Variants in TTC7B observed in about 807,000 individuals in gnomAD.
TTC7B encodes tetratricopeptide repeat domain 7B, also known as tetratricopeptide repeat protein 7B.
A neutral mutation model predicts 106.8 loss-of-function variants in TTC7B; 28 were observed. That is an observed-to-expected ratio of 0.26 (90% CI 0.19 to 0.36). The LOEUF is 0.36. TTC7B is among the 10% of genes least tolerant of loss of function. The pLI is 1.00. For synonymous variants in TTC7B, 405 were observed against 430.6 expected, an observed-to-expected ratio of 0.94 and a Z score of 0.74; for missense variants, 862 against 1,076.4, an observed-to-expected ratio of 0.80 and a Z score of 2.79.
Position 90,759,168 on chromosome 14 carries a change from T to A in TTC7B, c.446-14246A>T, listed in dbSNP as rs1890417510. The stretch of plus-strand genomic sequence containing the variant: ...TCCGACCCACTCCGGAGAGCCACGC[T>A]CTGAGCCGCACATGACTCTCTCCTT... On this transcript the variant is annotated intron_variant, in intron 3 of 19. Coordinates refer to ENST00000328459, the MANE Select transcript of TTC7B (RefSeq NM_001010854.2). This position sits in a 1 kb window ranked among gnomAD's most constrained non-coding sequence, Gnocchi z 4.1. Among the ~76,000 whole-genome samples the A allele has an allele frequency of 6.6e-6, 1 of 151,710 alleles. No individual in the cohort carries two copies. The highest frequency in any genetic ancestry group is 2.1e-4 in the South Asian group (1 of 4,816).
chr14:90,740,481 T>C (rs1243720499), intron 4 of TTC7B, among the ~76,000 whole-genome samples: 2 of 146,144 alleles, frequency 1.4e-5, no homozygotes, highest in Non-Finnish European at 3.0e-5. Flanking sequence ...AACATTCCCC[T>C]GAAATTCTTT....
In TTC7B at chr14:90,648,350, T is replaced by A. The variant is rs1167637390; in HGVS notation, c.1518-1327A>T. The A allele has an allele frequency of 2.0e-5, 3 of 152,344 alleles. No homozygotes were observed. In the East Asian group the frequency reaches 5.8e-4, roughly 29 times the overall value. 9.4% of individuals were successfully genotyped at this position (152,344 alleles called of 1,614,324 possible). ...CCCTTTTACATGTCTTATTTCTCTT[T>A]TTTTTTCTTTTTCTTTTTCAGACAG... On this transcript the variant is annotated intron_variant, in intron 13 of 19. Transcript: ENST00000328459.
In TTC7B at chr14:90,575,739, C is replaced by G. The variant is rs1891238730; in HGVS notation, c.2310+2367G>C. ...ACCTTCGGGAGCCACACTGATCAGT[C>G]ACTGGGCAAAGTTTCTGACTGCGAG... On this transcript the variant is annotated intron_variant, in intron 19 of 19. Transcript: ENST00000328459. The surrounding 1 kb of genome is among the most constrained non-coding windows in gnomAD (Gnocchi z 5.2). 6.6e-6 allele frequency among the ~76,000 whole-genome samples: 1 copy of G among 152,220 alleles called. No homozygotes were observed. Among genetic ancestry groups the G allele is most frequent in the Non-Finnish European group, 1.5e-5 (1 of 68,038 alleles).
intron 3 of TTC7B, among the ~76,000 whole-genome samples, chr14:90,773,855 G>A (rs551826828): frequency 6.6e-6 from 1 of 151,582 alleles, no homozygotes; most frequent in African/African-American, 2.4e-5. Flanking sequence ...AGTGTTGATC[G>A]GCCTCACACG....
rs1039152369 is a variant in TTC7B at position 90,693,966 on chromosome 14, G to C, written c.777+1534C>G. On this transcript the variant is annotated intron_variant, in intron 6 of 19. Coordinates refer to ENST00000328459, the MANE Select transcript of TTC7B (RefSeq NM_001010854.2). ...AGTAGAAACAACCCAATGTCCATCAGCTGATGAATGGACAAATAAAATGTG... is the reference window on the plus strand; with the variant it reads ...AGTAGAAACAACCCAATGTCCATCACCTGATGAATGGACAAATAAAATGTG... Among the ~76,000 whole-genome samples, 3 of 152,262 alleles carry C rather than the reference G, an allele frequency of 2.0e-5. No homozygotes were observed. The South Asian group carries it at 6.2e-4, about 32-fold the overall frequency.
intron 15 of TTC7B, among the ~76,000 whole-genome samples, chr14:90,620,673 G>A (rs2139851894): frequency 6.6e-6 from 1 of 152,318 alleles, no homozygotes; most frequent in South Asian, 2.1e-4. Context: ...GCCCCCAGAG[G>A]AGGTGCCTGC....
At chr14:90,777,630 G>A (rs1891075895) in intron 3 of TTC7B, among the ~76,000 whole-genome samples, 3 of 152,176 alleles carry the variant, frequency 2.0e-5, no homozygotes, top group Admixed American at 2.0e-4. Context: ...CATAGCCTAG[G>A]GGAGGGACCA....
chr14:90,743,041 A>T (rs928127140), intron 4 of TTC7B, among the ~76,000 whole-genome samples: 13 of 152,270 alleles, frequency 8.5e-5, no homozygotes, highest in African/African-American at 3.1e-4. Flanking sequence ...GGAGGCAGAC[A>T]GTGGAAATAA....
chr14:90,770,113 C>T (rs923783180), intron 3 of TTC7B, among the ~76,000 whole-genome samples: 7 of 152,286 alleles, frequency 4.6e-5, no homozygotes, highest in Middle Eastern at 3.4e-3. Context: ...AGCACCACTG[C>T]AATCCAGCCT....
At chr14:90,727,020 A>G (rs1595325785) in intron 5 of TTC7B, among the ~76,000 whole-genome samples, 1 of 152,100 alleles carries the variant, frequency 6.6e-6, no homozygotes, top group East Asian at 1.9e-4. Flanking sequence ...GAAGGGAGGA[A>G]CTAGGAAGGA....
rs28427565 is a variant in TTC7B, at chr14:90,652,614, G to A, written c.1517+227C>T. On this transcript the variant is annotated intron_variant, in intron 13 of 19. Transcript: ENST00000328459. ...TTTTTGAGCTGAAATCACTTTATTA[G>A]GAATGAATAAAATGTGCCCAAATGG... Among the ~76,000 whole-genome samples, 1,480 of 152,108 alleles carry A rather than the reference G, an allele frequency of 9.7e-3. 29 individuals are homozygous for A. Among genetic ancestry groups the A allele is most frequent in the African/African-American group, 0.033 (1,357 of 41,486 alleles).
intron 5 of TTC7B, among the ~76,000 whole-genome samples, chr14:90,714,127 G>A (rs903114990): frequency 2.0e-5 from 3 of 152,106 alleles, no homozygotes; most frequent in African/African-American, 7.2e-5. Context: ...CTACTTGGGA[G>A]GCTGAAGCAG....
intron 19 of TTC7B, among the ~76,000 whole-genome samples, chr14:90,548,616 G>A (rs1285937548): frequency 6.6e-6 from 1 of 152,238 alleles, no homozygotes; most frequent in Admixed American, 6.5e-5. Context: ...TGCCTGGAGG[G>A]CAGGGACTGG....
chr14:90,601,307 G>A (rs1368195255), intron 17 of TTC7B, among the ~76,000 whole-genome samples: 1 of 152,066 alleles, frequency 6.6e-6, no homozygotes, highest in Non-Finnish European at 1.5e-5. Context: ...GACTAAAACC[G>A]CCTAATTGAC....
intron 3 of TTC7B, among the ~76,000 whole-genome samples, chr14:90,766,151 A>G (rs1052974601): frequency 6.7e-5 from 8 of 118,836 alleles, no homozygotes; most frequent in Non-Finnish European, 1.2e-4. Flanking sequence ...TTTTTTTTTT[A>G]ATAAACAAAA....
chr14:90,584,637 G>A (rs1327766003), intron 18 of TTC7B, among the ~76,000 whole-genome samples: 3 of 152,042 alleles, frequency 2.0e-5, no homozygotes, highest in South Asian at 2.1e-4. Context: ...CCCTCAGAAC[G>A]GCCCCGAGAT....
Position 90,807,100 on chromosome 14 carries a change from A to C in TTC7B, c.121+9075T>G, listed in dbSNP as rs190758394. Among the ~76,000 whole-genome samples the C allele has an allele frequency of 1.8e-4, 27 of 152,234 alleles. No individual in the cohort carries two copies. Among genetic ancestry groups the C allele is most frequent in the African/African-American group, 6.0e-4 (25 of 41,552 alleles). On this transcript the variant is annotated intron_variant, in intron 1 of 19. Coordinates refer to ENST00000328459, the MANE Select transcript of TTC7B (RefSeq NM_001010854.2). This position sits in a 1 kb window ranked among gnomAD's most constrained non-coding sequence, Gnocchi z 4.1. ...TGAAAGACTACCGTTCCACTTGCCC[A>C]GGACTGAGGGAGCTTCTGGGACTCA...
rs140584606 is a variant in TTC7B at position 90,551,492 on chromosome 14, C to T, written c.2311-9903G>A. 5.8e-3 allele frequency among the ~76,000 whole-genome samples: 887 copies of T among 152,212 alleles called. 14 individuals carry two copies. Among genetic ancestry groups the T allele is most frequent in the African/African-American group, 0.02 (819 of 41,514 alleles). On this transcript the variant is annotated intron_variant, in intron 19 of 19. Transcript: ENST00000328459. ...CACAGTTGGTCTGGCCGTCTGCATTCGCTGAAATGTAGGCATGAAATGAGA... is the reference window on the plus strand; with the variant it reads ...CACAGTTGGTCTGGCCGTCTGCATTTGCTGAAATGTAGGCATGAAATGAGA...
chr14:90,705,299 C>A (rs1010771072), intron 5 of TTC7B, among the ~76,000 whole-genome samples: 2 of 152,154 alleles, frequency 1.3e-5, no homozygotes, highest in South Asian at 4.1e-4. Context: ...CATGCCATTC[C>A]CCAACTCATT....
Sources: allele counts gnomAD v4.1 joint callset (sites outside exome capture counted in the v4.1 genomes callset), GRCh38; gene constraint gnomAD v4.1.1; non-coding constraint Gnocchi (gnomAD v3.1); transcripts MANE v1.5; gene names NCBI Gene and HGNC (gene_info 2026-07-23, HGNC 2026-07-21).